Variants in DHTKD1 observed in about 807,000 individuals in gnomAD.
The protein encoded by DHTKD1 is 2-oxoadipate dehydrogenase complex component E1.
A neutral mutation model predicts 101.8 loss-of-function variants in DHTKD1; 78 were observed. The ratio of observed to expected loss-of-function variants is 0.77; its 90% CI spans 0.64 to 0.93. The LOEUF (loss-of-function observed/expected upper bound fraction) is 0.93, where lower values mean the gene tolerates loss of function less well. DHTKD1 is among the 40% of genes least tolerant of loss of function. DHTKD1 has a pLI of 0.00. For missense variants in DHTKD1, 1,223 were observed against 1,161.7 expected (o/e 1.05, Z -0.77); for synonymous variants, 462 against 450.3 (o/e 1.03, Z -0.33).
intron 14 of DHTKD1, 147 bp from the exon 15 acceptor site, chr10:12,118,602 T>C (rs1231159045): frequency 6.7e-6 from 3 of 449,916 alleles, no homozygotes; most frequent in Admixed American, 3.5e-5. Flanking sequence ...CAGGATGGTC[T>C]TGATTTCCTG....
rs957398838 is a variant in DHTKD1, at chr10:12,107,016, G to A, written c.2047+620G>A. Among the ~76,000 whole-genome samples, 234 of 147,332 alleles carry A rather than the reference G, an allele frequency of 1.6e-3. 1 individual carries two copies. The highest frequency in any genetic ancestry group is 5.7e-3 in the African/African-American group (227 of 39,992). On this transcript the variant is annotated intron_variant, in intron 11 of 16. Coordinates refer to ENST00000263035, the MANE Select transcript of DHTKD1 (RefSeq NM_018706.7). The surrounding 1 kb of genome is among the most constrained non-coding windows in gnomAD (Gnocchi z 4.1). ...TTTTTTTTTTTTGAGACGGAGTCTC[G>A]CTCTGTCACCCAGGCTGGAGTGCAG... is the stretch of plus-strand genomic sequence containing the variant.
chr10:12,119,584 C>T (rs1238570274), intron 15 of DHTKD1, among the ~76,000 whole-genome samples: 3 of 148,006 alleles, frequency 2.0e-5, no homozygotes, highest in Non-Finnish European at 3.0e-5. Flanking sequence ...CTACTGCACT[C>T]CAGCCTGGGC....
chr10:12,106,450 C>A lies in DHTKD1; in HGVS notation c.2047+54C>A, dbSNP rs970856042. 8 of 1,601,208 alleles carry A rather than the reference C, an allele frequency of 5.0e-6. No homozygotes were observed. The Admixed American group carries it at 1.2e-4, about 23-fold the overall frequency. On this transcript the variant is annotated intron_variant, in intron 11 of 16. Coordinates refer to ENST00000263035, the MANE Select transcript of DHTKD1 (RefSeq NM_018706.7). ...GGTGGGGGTCCCTGCGTGGCCCCAG[C>A]CTCGTGGGGACAAATGAATGAAAAG...
At chr10:12,098,023 T>C in intron 8 of DHTKD1, 27 bp downstream of exon 8, 1 of 1,570,028 alleles carries the variant, frequency 6.4e-7, no homozygotes, top group Non-Finnish European at 8.7e-7. Flanking sequence ...TGGCTGGTTA[T>C]TGCTTCTCCT....
Position 12,107,574 on chromosome 10 carries a change from C to T in DHTKD1, c.2048-335C>T, listed in dbSNP as rs1833269596. 6.6e-6 allele frequency among the ~76,000 whole-genome samples: 1 copy of T among 152,008 alleles called. No individual in the cohort carries two copies. The highest frequency in any genetic ancestry group is 6.6e-5 in the Admixed American group (1 of 15,256). On this transcript the variant is annotated intron_variant, in intron 11 of 16. Coordinates refer to ENST00000263035, the MANE Select transcript of DHTKD1 (RefSeq NM_018706.7). This position sits in a 1 kb window ranked among gnomAD's most constrained non-coding sequence, Gnocchi z 4.1. ...CTGGGACTACAGACATGTGCCACTA[C>T]AGCTGGCTAATTTTTGTATTTTTAG... is the stretch of plus-strand genomic sequence containing the variant.
chr10:12,074,981 C>T (rs948253027), intron 1 of DHTKD1, among the ~76,000 whole-genome samples: 1 of 151,916 alleles, frequency 6.6e-6, no homozygotes, highest in Non-Finnish European at 1.5e-5. Context: ...CAAAAATTAG[C>T]CGGGTGTGGT....
intron 3 of DHTKD1, among the ~76,000 whole-genome samples, chr10:12,086,409 C>G (rs929458983): frequency 6.6e-6 from 1 of 151,010 alleles, no homozygotes; most frequent in Non-Finnish European, 1.5e-5. Context: ...TTTAGTAGAA[C>G]GGGGTTTCAC....
In DHTKD1 at chr10:12,118,573, A is replaced by G. The variant is rs11257542; in HGVS notation, c.2403-176A>G. Among the ~76,000 whole-genome samples the G allele has an allele frequency of 0.46, 69,088 of 151,378 alleles. 16,733 individuals are homozygous for G. The highest frequency in any genetic ancestry group is 0.71 in the South Asian group (3,428 of 4,810). On this transcript the variant is annotated intron_variant, in intron 14 of 16. Coordinates refer to ENST00000263035, the MANE Select transcript of DHTKD1 (RefSeq NM_018706.7). The stretch of plus-strand genomic sequence containing the variant: ...AATTTTTTGTATTTTTAGTAGAGAC[A>G]GGGTTTCACCGTGTTAGCCAGGATG...
At chr10:12,092,480 A>T (rs72779631) in intron 6 of DHTKD1, among the ~76,000 whole-genome samples, 11,955 of 152,140 alleles carry the variant, frequency 0.079, 607 homozygotes, top group Non-Finnish European at 0.12. Context: ...GTGTTCAACC[A>T]CTAAACTTGG....
Position 12,113,024 on chromosome 10 carries a change from C to G in DHTKD1, c.2279C>G (p.Pro760Arg), listed in dbSNP as rs774536665. ...CAGATGGTCCGGAACTTCAGAAAAC[C>G]ACTCATTGTTGCTTCCCCTAAGATG... Reference protein sequence around the residue: ...RRQMVRNFRKPLIVASPKMLL... With the variant: ...RRQMVRNFRKRLIVASPKMLL... The change falls in exon 13 of 17, where the codon CCA becomes CGA. Residue 760 changes from proline to arginine, a missense_variant. Physicochemically the swap from Pro to Arg is moderately radical, Grantham distance 103. Coordinates refer to ENST00000263035, the MANE Select transcript of DHTKD1 (RefSeq NM_018706.7). 4.4e-5 allele frequency: 71 copies of G among 1,613,194 alleles called. No homozygotes were observed. The highest frequency in any genetic ancestry group is 5.5e-5 in the South Asian group (5 of 90,950).
At chr10:12,085,301 C>A (rs1237627798) in intron 3 of DHTKD1, among the ~76,000 whole-genome samples, 5 of 151,778 alleles carry the variant, frequency 3.3e-5, no homozygotes, top group Non-Finnish European at 7.4e-5. Context: ...CAGAGCGAGA[C>A]TCTGTCTCAA....
At chr10:12,102,062 A>C (rs1833179160) in intron 10 of DHTKD1, among the ~76,000 whole-genome samples, 1 of 152,164 alleles carries the variant, frequency 6.6e-6, no homozygotes, top group Admixed American at 6.6e-5. Context: ...GTTGAGTGGC[A>C]TGTCATCTTC....
At chr10:12,108,314 C>T (rs1038892852) in intron 12 of DHTKD1, among the ~76,000 whole-genome samples, 2 of 152,198 alleles carry the variant, frequency 1.3e-5, no homozygotes, top group Non-Finnish European at 2.9e-5. Context: ...GGGTCTCGCT[C>T]TGTTGCCCAG....
chr10:12,106,687 C>T (rs1042144733), intron 11 of DHTKD1, among the ~76,000 whole-genome samples: 19 of 152,142 alleles, frequency 1.2e-4, no homozygotes, highest in Admixed American at 2.0e-4. Context: ...TGAAAGCTTC[C>T]GAAGCAGTAC....
rs533848535 is a variant in DHTKD1, at chr10:12,110,961, A to G, written c.2155-1939A>G. Among the ~76,000 whole-genome samples, 50 of 149,828 alleles carry G rather than the reference A, an allele frequency of 3.3e-4. No individual in the cohort carries two copies. Among genetic ancestry groups the G allele is most frequent in the Non-Finnish European group, 5.9e-5 (4 of 67,650 alleles). ...CTTGGGAGGCTGAGGTGGGAGGATC[A>G]CTTGAGCCTGGGAGGCGGAGGTTGT... On this transcript the variant is annotated intron_variant, in intron 12 of 16. Transcript: ENST00000263035. This position sits in a 1 kb window ranked among gnomAD's most constrained non-coding sequence, Gnocchi z 4.9.
In DHTKD1 at chr10:12,097,328, A is replaced by C. The variant is rs368584496; in HGVS notation, c.1359-356A>C. On this transcript the variant is annotated intron_variant, in intron 7 of 16. Transcript: ENST00000263035. ...ACTTTTGTTGCCTAGGCTGGAGTGCAGTGGTGCCATCTCGGCTCACTGCAA... is the reference window on the plus strand; with the variant it reads ...ACTTTTGTTGCCTAGGCTGGAGTGCCGTGGTGCCATCTCGGCTCACTGCAA... Among the ~76,000 whole-genome samples the C allele has an allele frequency of 5.1e-4, 77 of 152,058 alleles. 1 individual carries two copies. Among genetic ancestry groups the C allele is most frequent in the African/African-American group, 1.7e-3 (70 of 41,488 alleles).
chr10:12,084,976 A>T (rs901168340), intron 3 of DHTKD1, among the ~76,000 whole-genome samples: 1 of 152,058 alleles, frequency 6.6e-6, no homozygotes, highest in Non-Finnish European at 1.5e-5. Flanking sequence ...GCTTGAACCC[A>T]GGAGGCAGAG....
chr10:12,112,085 C>A lies in DHTKD1; in HGVS notation c.2155-815C>A, dbSNP rs1199034050. 2.0e-5 allele frequency among the ~76,000 whole-genome samples: 3 copies of A among 151,930 alleles called. No homozygotes were observed. In the East Asian group the frequency reaches 5.8e-4, roughly 29 times the overall value. On this transcript the variant is annotated intron_variant, in intron 12 of 16. Transcript: ENST00000263035. ...ATCCCAGCACTTTGGGTGGCTGAGG[C>A]GGGAGGATCGCTTGAACCCAGGAGT...
At chr10:12,112,040 C>T (rs535308026) in intron 12 of DHTKD1, among the ~76,000 whole-genome samples, 3 of 148,404 alleles carry the variant, frequency 2.0e-5, no homozygotes, top group East Asian at 2.0e-4. Context: ...TGAGGCCAGG[C>T]ATGGTGGCTC....
Sources: gnomAD v4.1 joint callset for allele counts (sites outside exome capture counted in the v4.1 genomes callset) on GRCh38, gnomAD v4.1.1 for gene constraint, Gnocchi (gnomAD v3.1) non-coding constraint, MANE v1.5 for transcripts, NCBI Gene and HGNC (gene_info 2026-07-23, HGNC 2026-07-21) for gene names.